GRM8: variants seen among roughly 807,000 people sequenced by gnomAD.
GRM8 encodes metabotropic glutamate receptor 8.
Under a neutral mutation model 87.2 loss-of-function variants are expected in GRM8, and 47 were observed. That is an observed-to-expected ratio of 0.54 (90% CI 0.43 to 0.69). The LOEUF (loss-of-function observed/expected upper bound fraction) is 0.69. Among genes scored for constraint, GRM8 ranks in the 30% least tolerant of loss-of-function variants. The probability of loss-of-function intolerance (pLI) is 0.00; values close to 1 mark genes in which losing one functional copy is unlikely to be tolerated. For missense variants in GRM8, 1,019 were observed against 1,139.2 expected, an observed-to-expected ratio of 0.89 and a Z score of 1.52; for synonymous variants, 396 against 404.5, an observed-to-expected ratio of 0.98 and a Z score of 0.25.
At chr7:127,145,964 CTT>C (rs1167096665) in intron 2 of GRM8, among the ~76,000 whole-genome samples, 1 of 151,842 alleles carries the variant, frequency 6.6e-6, no homozygotes, top group Non-Finnish European at 1.5e-5. Flanking sequence ...TTGAGAAACA[CTT>C]TTTTTGGTCT....
intron 9 of GRM8, among the ~76,000 whole-genome samples, chr7:126,522,635 T>G (rs1813166003): frequency 6.6e-6 from 1 of 152,214 alleles, no homozygotes; most frequent in Non-Finnish European, 1.5e-5. Flanking sequence ...TAAAACAGGT[T>G]TTTGGTCACA....
At chr7:126,856,121 CT>C (rs546930358) in intron 6 of GRM8, among the ~76,000 whole-genome samples, 193 of 148,232 alleles carry the variant, frequency 1.3e-3, no homozygotes, top group African/African-American at 4.2e-3. Flanking sequence ...TAAATTCTGT[CT>C]TTTTTTTTTA....
rs139569486 is a variant in GRM8, at chr7:126,812,628, T to C, written c.1157-42563A>G. On this transcript the variant is annotated intron_variant, in intron 6 of 10. Transcript: ENST00000339582. ...TTACATTTTATATAGGAAAGTTGAG[T>C]GTACTTGAATTTTGGTATCTGTAGG... Among the ~76,000 whole-genome samples, 304 of 152,000 alleles carry C rather than the reference T, an allele frequency of 2.0e-3. 2 individuals are homozygous for C. The highest frequency in any genetic ancestry group is 6.0e-3 in the Admixed American group (91 of 15,260).
At chr7:126,486,021 A>G (rs1807316605) in intron 9 of GRM8, among the ~76,000 whole-genome samples, 1 of 151,990 alleles carries the variant, frequency 6.6e-6, no homozygotes, top group Admixed American at 6.6e-5. Context: ...TAACTGCCAC[A>G]AGGTTTTCCT....
chr7:126,671,581 G>C lies in GRM8; in HGVS notation c.1358-62083C>G, dbSNP rs138176710. On this transcript the variant is annotated intron_variant, in intron 7 of 10. Transcript: ENST00000339582. ...CCTACATTTTAGATCAACCCTACTTGTTCCTGTGAACCAACCACTGATCCC... is the reference window on the plus strand; with the variant it reads ...CCTACATTTTAGATCAACCCTACTTCTTCCTGTGAACCAACCACTGATCCC... Among the ~76,000 whole-genome samples, 55 of 152,244 alleles carry C rather than the reference G, an allele frequency of 3.6e-4. 1 individual carries two copies. Among genetic ancestry groups the C allele is most frequent in the African/African-American group, 1.2e-3 (50 of 41,552 alleles).
intron 3 of GRM8, among the ~76,000 whole-genome samples, chr7:126,933,646 A>G (rs142559339): frequency 2.6e-5 from 4 of 152,334 alleles, no homozygotes; most frequent in Non-Finnish European, 4.4e-5. Context: ...GAGAAATGCT[A>G]GGGTTCAAAT....
chr7:126,928,160 T>C (rs1045141993), intron 3 of GRM8, among the ~76,000 whole-genome samples: 2 of 128,110 alleles, frequency 1.6e-5, no homozygotes, highest in African/African-American at 3.1e-5. Flanking sequence ...TAAGTGGGAG[T>C]TGAACAATAA....
chr7:126,865,685 G>A (rs1294232027), intron 6 of GRM8, among the ~76,000 whole-genome samples: 1 of 152,114 alleles, frequency 6.6e-6, no homozygotes. Flanking sequence ...CTCATAACAG[G>A]TGGTCCTTTG....
At chr7:126,614,473 T>A (rs966411246) in intron 7 of GRM8, among the ~76,000 whole-genome samples, 2 of 151,830 alleles carry the variant, frequency 1.3e-5, no homozygotes, top group Non-Finnish European at 2.9e-5. Context: ...AGAGCACCTC[T>A]CCCCCTCCAA....
chr7:126,522,476 C>T (rs1813129800), intron 9 of GRM8, among the ~76,000 whole-genome samples: 1 of 152,192 alleles, frequency 6.6e-6, no homozygotes, highest in Non-Finnish European at 1.5e-5. Context: ...CATAAAATGA[C>T]TCCCAATTAT....
rs1798680769 is a variant in GRM8, at chr7:126,609,360, G to A, written c.1494+2C>T. The A allele has an allele frequency of 1.9e-6, 3 of 1,611,462 alleles. No homozygotes were observed. Among genetic ancestry groups the A allele is most frequent in the East Asian group, 2.2e-5 (1 of 44,852 alleles). On this transcript the variant is annotated splice_donor_variant, in intron 8 of 10. Transcript: ENST00000339582. LOFTEE classifies it low-confidence loss of function (GC_TO_GT_DONOR). ...TTAATATATGTTTATGACGATACTT[G>A]CTTTTAGATGAAGCTGATTGGTCCA...
chr7:127,137,220 TAC>T (rs145265792), intron 2 of GRM8, among the ~76,000 whole-genome samples: 19 of 149,486 alleles, frequency 1.3e-4, no homozygotes, highest in Middle Eastern at 3.5e-3. Context: ...AACATACACA[TAC>T]ACACACACAC....
At chr7:127,016,849 A>G (rs1815727005) in intron 3 of GRM8, among the ~76,000 whole-genome samples, 1 of 152,116 alleles carries the variant, frequency 6.6e-6, no homozygotes, top group Non-Finnish European at 1.5e-5. Flanking sequence ...TTGACTACAA[A>G]TACTAAAATA....
At chr7:127,050,494 G>T (rs1819357727) in intron 3 of GRM8, among the ~76,000 whole-genome samples, 1 of 152,116 alleles carries the variant, frequency 6.6e-6, no homozygotes, top group Admixed American at 6.5e-5. Flanking sequence ...TATTTCATTG[G>T]TCTCTTTTTA....
At chr7:126,940,003 G>C (rs1319121768) in intron 3 of GRM8, among the ~76,000 whole-genome samples, 1 of 152,236 alleles carries the variant, frequency 6.6e-6, no homozygotes, top group South Asian at 2.1e-4. Flanking sequence ...TCAGGGAGCT[G>C]ATTGGGACAA....
chr7:127,015,247 GA>G (rs1462779056), intron 3 of GRM8, among the ~76,000 whole-genome samples: 5 of 114,390 alleles, frequency 4.4e-5, no homozygotes, highest in Admixed American at 9.5e-5. Context: ...AGAAGAAGAA[GA>G]AGAAGAAGAA....
chr7:127,239,532 A>C (rs940002633), intron 2 of GRM8, among the ~76,000 whole-genome samples: 1 of 152,234 alleles, frequency 6.6e-6, no homozygotes, highest in East Asian at 1.9e-4. Context: ...ACTTACTTTT[A>C]CTCAAGTCAT....
chr7:127,227,557 C>T (rs766855775), intron 2 of GRM8, among the ~76,000 whole-genome samples: 10 of 152,172 alleles, frequency 6.6e-5, no homozygotes, highest in African/African-American at 1.7e-4. Flanking sequence ...AAGGAGTAAG[C>T]GCAAACCACA....
At chr7:126,967,877 A>G (rs1490240258) in intron 3 of GRM8, among the ~76,000 whole-genome samples, 1 of 152,208 alleles carries the variant, frequency 6.6e-6, no homozygotes, top group Non-Finnish European at 1.5e-5. Flanking sequence ...TTAAACCAGT[A>G]AGTCATAATG....
Sources: allele counts gnomAD v4.1 joint callset (sites outside exome capture counted in the v4.1 genomes callset), GRCh38; gene constraint gnomAD v4.1.1; transcripts MANE v1.5; gene names NCBI Gene and HGNC (gene_info 2026-07-23, HGNC 2026-07-21).